Variants in CAMTA1 observed in about 807,000 individuals in gnomAD.
CAMTA1 encodes the protein calmodulin binding transcription activator 1.
Under a neutral mutation model 170.9 loss-of-function variants are expected in CAMTA1, and 27 were observed. The ratio of observed to expected loss-of-function variants is 0.16; its 90% CI spans 0.12 to 0.22. The LOEUF is 0.22. Among genes scored for constraint, CAMTA1 ranks in the 10% least tolerant of loss-of-function variants. The pLI is 1.00. For synonymous variants in CAMTA1, 833 were observed against 891.5 expected, an observed-to-expected ratio of 0.93 and a Z score of 1.17; for missense variants, 1,619 against 2,217.2, an observed-to-expected ratio of 0.73 and a Z score of 5.42.
At chr1:7,196,121 G>A (rs553075942) in intron 4 of CAMTA1, among the ~76,000 whole-genome samples, 1 of 152,270 alleles carries the variant, frequency 6.6e-6, no homozygotes, top group Admixed American at 6.5e-5. Flanking sequence ...CACGGGTCAG[G>A]TTTCCCCCTT....
At chr1:7,371,662 C>T (rs141253589) in intron 5 of CAMTA1, among the ~76,000 whole-genome samples, 14 of 152,360 alleles carry the variant, frequency 9.2e-5, no homozygotes, top group Non-Finnish European at 1.8e-4. Context: ...TGTGAGAGTT[C>T]TCAGGAATGG....
In CAMTA1 at chr1:7,286,733, G is replaced by A. The variant is rs75674665; in HGVS notation, c.438+37107G>A. Among the ~76,000 whole-genome samples the A allele has an allele frequency of 9.7e-3, 1,480 of 152,278 alleles. 18 individuals carry two copies. Among genetic ancestry groups the A allele is most frequent in the African/African-American group, 0.034 (1,400 of 41,554 alleles). Reference sequence around the variant, plus strand: ...AATATCCCTGCCTAACAGTCAACAAGTTAGAGATTTGGGGAGCTATTGAGG... The same window carrying A: ...AATATCCCTGCCTAACAGTCAACAAATTAGAGATTTGGGGAGCTATTGAGG... On this transcript the variant is annotated intron_variant, in intron 5 of 22. Transcript: ENST00000303635. The surrounding 1 kb of genome is among the most constrained non-coding windows in gnomAD (Gnocchi z 4.2).
intron 11 of CAMTA1, among the ~76,000 whole-genome samples, chr1:7,709,205 A>T (rs1029630668): frequency 6.6e-6 from 1 of 152,160 alleles, no homozygotes; most frequent in Non-Finnish European, 1.5e-5. Context: ...ACAGCTGTTT[A>T]TGGGGTGCAG....
chr1:7,509,586 G>T (rs1208190254), intron 6 of CAMTA1, among the ~76,000 whole-genome samples: 3 of 152,176 alleles, frequency 2.0e-5, no homozygotes, highest in Non-Finnish European at 4.4e-5. Context: ...TATTCTGGGA[G>T]CACCCAGTAG....
intron 3 of CAMTA1, among the ~76,000 whole-genome samples, chr1:6,932,153 T>C (rs962464914): frequency 2.6e-5 from 4 of 152,222 alleles, no homozygotes; most frequent in Non-Finnish European, 5.9e-5. Flanking sequence ...AGAAGTATCC[T>C]TGAGTCCCTT....
At chr1:7,440,839 C>A (rs1466700208) in intron 5 of CAMTA1, among the ~76,000 whole-genome samples, 1 of 152,218 alleles carries the variant, frequency 6.6e-6, no homozygotes, top group Non-Finnish European at 1.5e-5. Context: ...GGTTTGATTA[C>A]TTCATCACAC....
At chr1:7,101,061 CT>C (rs1215253326) in intron 4 of CAMTA1, among the ~76,000 whole-genome samples, 2 of 152,210 alleles carry the variant, frequency 1.3e-5, no homozygotes, top group Non-Finnish European at 1.5e-5. Flanking sequence ...GAAAAGCCCC[CT>C]GGCACTGTGC....
chr1:7,527,147 G>A (rs1242106007), intron 6 of CAMTA1, among the ~76,000 whole-genome samples: 2 of 152,144 alleles, frequency 1.3e-5, no homozygotes, highest in Non-Finnish European at 2.9e-5. Context: ...ACTGACTGTA[G>A]CCACCATGAT....
chr1:7,229,773 G>A (rs1662385736), intron 4 of CAMTA1, among the ~76,000 whole-genome samples: 1 of 152,100 alleles, frequency 6.6e-6, no homozygotes, highest in African/African-American at 2.4e-5. Flanking sequence ...GGCAGAGGAT[G>A]TTTCTTTTTC....
chr1:7,445,462 G>A (rs1389879154), intron 5 of CAMTA1, among the ~76,000 whole-genome samples: 9 of 152,230 alleles, frequency 5.9e-5, no homozygotes, highest in African/African-American at 2.2e-4. Context: ...AGATGGTACA[G>A]TGAGGCTGGT....
At chr1:7,448,183 G>A (rs1455092186) in intron 5 of CAMTA1, among the ~76,000 whole-genome samples, 2 of 152,216 alleles carry the variant, frequency 1.3e-5, no homozygotes, top group Non-Finnish European at 2.9e-5. Flanking sequence ...GGGTGAGGAG[G>A]AGGGCACAAA....
At chr1:6,853,987 A>G (rs192457144) in intron 3 of CAMTA1, among the ~76,000 whole-genome samples, 1 of 152,344 alleles carries the variant, frequency 6.6e-6, no homozygotes, top group African/African-American at 2.4e-5. Flanking sequence ...TACCGTCTTC[A>G]TTAACTCAGA....
intron 11 of CAMTA1, among the ~76,000 whole-genome samples, chr1:7,721,296 C>G (rs1487732203): frequency 1.3e-5 from 2 of 152,232 alleles, no homozygotes; most frequent in East Asian, 1.9e-4. Flanking sequence ...CTGATACTTA[C>G]AAGTGGTATG....
chr1:7,067,278 C>T lies in CAMTA1; in HGVS notation c.235-24026C>T, dbSNP rs541776717. 3.3e-5 allele frequency among the ~76,000 whole-genome samples: 5 copies of T among 152,306 alleles called. No homozygotes were observed. The highest frequency in any genetic ancestry group is 1.2e-4 in the African/African-American group (5 of 41,572). Reference sequence around the variant, plus strand: ...TCTCCCGGGGCTGGGAAGTTCCTGTCCCTTGTACTCAGGGTCTCTCTTCCC... The same window carrying T: ...TCTCCCGGGGCTGGGAAGTTCCTGTTCCTTGTACTCAGGGTCTCTCTTCCC... On this transcript the variant is annotated intron_variant, in intron 3 of 22. Coordinates refer to ENST00000303635, the MANE Select transcript of CAMTA1 (RefSeq NM_015215.4). The surrounding 1 kb of genome is among the most constrained non-coding windows in gnomAD (Gnocchi z 4.3).
chr1:6,798,473 G>A (rs929031051), intron 1 of CAMTA1, among the ~76,000 whole-genome samples: 1 of 151,834 alleles, frequency 6.6e-6, no homozygotes, highest in African/African-American at 2.4e-5. Flanking sequence ...TATCTCTGTC[G>A]CCCAGGCTAG....
At chr1:7,556,197 C>T (rs2094874669) in intron 6 of CAMTA1, among the ~76,000 whole-genome samples, 2 of 152,130 alleles carry the variant, frequency 1.3e-5, no homozygotes, top group African/African-American at 4.8e-5. Context: ...CCTAAGTTGT[C>T]CCTGGCCTGG....
At chr1:7,363,031 T>C (rs868524393) in intron 5 of CAMTA1, among the ~76,000 whole-genome samples, 3 of 152,228 alleles carry the variant, frequency 2.0e-5, no homozygotes, top group Non-Finnish European at 2.9e-5. Flanking sequence ...CCAACCCTTC[T>C]AGCTCGCAGA....
chr1:7,765,396 A>G (rs1236673330), intron 22 of CAMTA1, among the ~76,000 whole-genome samples: 1 of 152,258 alleles, frequency 6.6e-6, no homozygotes, highest in African/African-American at 2.4e-5. Context: ...ATTGGCAGTG[A>G]TAATTAATAA....
intron 6 of CAMTA1, among the ~76,000 whole-genome samples, chr1:7,584,222 A>G (rs2095288135): frequency 6.6e-6 from 1 of 151,982 alleles, no homozygotes; most frequent in African/African-American, 2.4e-5. Context: ...GGGGTCTTAC[A>G]GTAGGGGAGA....
Sources: gnomAD v4.1 joint callset for allele counts (sites outside exome capture counted in the v4.1 genomes callset) on GRCh38, gnomAD v4.1.1 for gene constraint, Gnocchi (gnomAD v3.1) non-coding constraint, MANE v1.5 for transcripts, NCBI Gene and HGNC (gene_info 2026-07-23, HGNC 2026-07-21) for gene names.